The following COBL variants were observed in gnomAD, a reference collection of about 807,000 sequenced individuals.
The protein encoded by COBL is cordon-bleu WH2 repeat protein.
COBL carries 51 observed loss-of-function variants against 98.8 expected under a neutral mutation model. The observed-to-expected ratio is 0.52, with a 90% CI of 0.41 to 0.65. The LOEUF is 0.65. COBL is among the 30% of genes least tolerant of loss of function. The pLI, the probability that COBL is intolerant of heterozygous loss-of-function variation, is 0.00. For synonymous variants in COBL, 634 were observed against 651.7 expected (o/e 0.97, Z 0.41); for missense variants, 1,617 against 1,617.5 (o/e 1.00, Z 0.01).
chr7:51,117,480 G>A (rs1423505199), intron 6 of COBL, among the ~76,000 whole-genome samples: 4 of 151,360 alleles, frequency 2.6e-5, no homozygotes, highest in Non-Finnish European at 4.4e-5. Context: ...CCTTCATTCT[G>A]TTGTTGGGCC....
chr7:51,150,023 G>A (rs1246789853), intron 5 of COBL, among the ~76,000 whole-genome samples: 2 of 152,072 alleles, frequency 1.3e-5, no homozygotes, highest in Non-Finnish European at 2.9e-5. Context: ...CATTTTCCAG[G>A]GAGATACTTC....
intron 5 of COBL, among the ~76,000 whole-genome samples, chr7:51,157,787 G>A (rs28631539): frequency 0.12 from 18,389 of 152,018 alleles, 1,600 homozygotes; most frequent in African/African-American, 0.24. Flanking sequence ...TTACTAAAAC[G>A]GTAGACTTTA....
chr7:51,147,728 C>T (rs570910509), intron 5 of COBL, among the ~76,000 whole-genome samples: 5 of 151,718 alleles, frequency 3.3e-5, no homozygotes, highest in African/African-American at 1.2e-4. Context: ...GACCTAAGAA[C>T]ATAAAGTACG....
intron 6 of COBL, among the ~76,000 whole-genome samples, chr7:51,127,834 A>G (rs1034590996): frequency 1.3e-5 from 2 of 152,170 alleles, no homozygotes; most frequent in Non-Finnish European, 2.9e-5. Context: ...TGAGTTACCA[A>G]CCGCTGGCAA....
intron 1 of COBL, among the ~76,000 whole-genome samples, chr7:51,281,833 C>A (rs1799843830): frequency 6.6e-6 from 1 of 152,080 alleles, no homozygotes; most frequent in Non-Finnish European, 1.5e-5. Flanking sequence ...AAACTTGGAA[C>A]ATGAGGAGGA....
chr7:51,226,729 T>C lies in COBL; in HGVS notation c.42-6785A>G, dbSNP rs1794233405. Among the ~76,000 whole-genome samples the C allele has an allele frequency of 2.0e-5, 3 of 152,174 alleles. No homozygotes were observed. In the South Asian group the frequency reaches 6.2e-4, roughly 32 times the overall value. On this transcript the variant is annotated intron_variant, in intron 1 of 12. Coordinates refer to ENST00000265136, the MANE Select transcript of COBL (RefSeq NM_015198.5). The stretch of plus-strand genomic sequence containing the variant: ...CAGAACTGGTTACCAAAGAGGGGAA[T>C]GAGGAATCCTCGCATCCTGTACCAG...
In COBL at chr7:51,219,819, T is replaced by A; in HGVS notation, c.167A>T (p.Glu56Val). ...GTCCATGGTGCTGGCCCTCAGCGCC[T>A]CCTTCATGCGAACCAAGTTCTGCTG... ...GSQQNLVRMK[E>V]ALRASTMDVT... The change falls in exon 2 of 13, where the codon GAG (glutamate) becomes GTG (valine). Residue 56 changes from glutamate to valine, a missense_variant. Glu to Val is a moderately radical substitution (Grantham distance 121). Coordinates refer to ENST00000265136, the MANE Select transcript of COBL (RefSeq NM_015198.5). The A allele has an allele frequency of 1.2e-6, 2 of 1,614,048 alleles. No individual in the cohort carries two copies. Among genetic ancestry groups the A allele is most frequent in the Non-Finnish European group, 1.7e-6 (2 of 1,180,024 alleles).
chr7:51,120,788 G>A (rs1797673096), intron 6 of COBL, among the ~76,000 whole-genome samples: 1 of 152,094 alleles, frequency 6.6e-6, no homozygotes, highest in African/African-American at 2.4e-5. Flanking sequence ...ATGTCTTCAA[G>A]GTACATCCAT....
intron 6 of COBL, among the ~76,000 whole-genome samples, chr7:51,108,313 GC>G (rs1796497211): frequency 9.0e-6 from 1 of 111,194 alleles, no homozygotes; most frequent in Non-Finnish European, 2.0e-5. Flanking sequence ...CTCATCCGCT[GC>G]TGTGTGGCTC....
At chr7:51,196,962 C>CAA (rs796297914) in intron 2 of COBL, among the ~76,000 whole-genome samples, 2 of 144,850 alleles carry the variant, frequency 1.4e-5, no homozygotes, top group African/African-American at 5.0e-5. Flanking sequence ...TTAATTTTTT[C>CAA]AAAAAAAAAA....
chr7:51,089,228 C>T (rs1009915363), intron 6 of COBL, among the ~76,000 whole-genome samples: 3 of 152,018 alleles, frequency 2.0e-5, no homozygotes, highest in South Asian at 2.1e-4. Context: ...CTAAATACAC[C>T]GCAGGCTGGG....
chr7:51,276,610 G>A (rs1799334975), intron 1 of COBL, among the ~76,000 whole-genome samples: 1 of 152,252 alleles, frequency 6.6e-6, no homozygotes, highest in Admixed American at 6.5e-5. Context: ...CACAAGGTGT[G>A]GGGGATGAAA....
intron 5 of COBL, among the ~76,000 whole-genome samples, chr7:51,148,782 G>A (rs1357148395): frequency 1.3e-5 from 2 of 152,176 alleles, no homozygotes; most frequent in African/African-American, 4.8e-5. Flanking sequence ...GAGGTGGGGT[G>A]CTGGCAGCGG....
At chr7:51,027,674 A>C in intron 10 of COBL, 38 bp downstream of exon 10, 1 of 1,522,144 alleles carries the variant, frequency 6.6e-7, no homozygotes, top group Non-Finnish European at 9.0e-7. Context: ...TGAAGTGGGC[A>C]GGTGTGGAAG....
intron 6 of COBL, among the ~76,000 whole-genome samples, chr7:51,086,357 A>AG (rs1794240087): frequency 1.4e-5 from 1 of 71,370 alleles, no homozygotes; most frequent in Non-Finnish European, 2.6e-5. Flanking sequence ...ACTGTGTCTC[A>AG]GAAAAAAAAA....
At chr7:51,179,490 G>A (rs1193989289) in intron 5 of COBL, among the ~76,000 whole-genome samples, 1 of 152,088 alleles carries the variant, frequency 6.6e-6, no homozygotes, top group East Asian at 1.9e-4. Flanking sequence ...ACAGGTGTGA[G>A]CCACCGCGCC....
At chr7:51,195,801 T>G (rs1387646250) in intron 2 of COBL, among the ~76,000 whole-genome samples, 1 of 152,204 alleles carries the variant, frequency 6.6e-6, no homozygotes, top group Non-Finnish European at 1.5e-5. Flanking sequence ...TCAGTTTAAC[T>G]GTTATTGGTT....
chr7:51,242,882 G>A (rs1419085661), intron 1 of COBL, among the ~76,000 whole-genome samples: 1 of 152,104 alleles, frequency 6.6e-6, no homozygotes, highest in East Asian at 1.9e-4. Flanking sequence ...CATCCAACAA[G>A]GTACCTGACA....
rs1288933095 is a variant in COBL, at chr7:51,219,880, C to T, written c.106G>A (p.Asp36Asn). 1 of 1,613,288 alleles carries T rather than the reference C, an allele frequency of 6.2e-7. No homozygotes were observed. Among genetic ancestry groups the T allele is most frequent in the Non-Finnish European group, 8.5e-7 (1 of 1,180,026 alleles). Reference protein sequence around the residue: ...GKAATLHVHSDQKPPHDGALG... With the variant: ...GKAATLHVHSNQKPPHDGALG... ...GCCCCATCGTGGGGGGGCTTCTGGTCACTGTGCACATGCAGAGTGGCAGCC... is the reference window on the plus strand; with the variant it reads ...GCCCCATCGTGGGGGGGCTTCTGGTTACTGTGCACATGCAGAGTGGCAGCC... The change falls in exon 2 of 13, where the codon GAC (aspartate) becomes AAC (asparagine). Residue 36 changes from aspartate (D) to asparagine (N), a missense_variant. By Grantham distance (23) the Asp-to-Asn change is conservative (BLOSUM62 1). Coordinates refer to ENST00000265136, the MANE Select transcript of COBL (RefSeq NM_015198.5).
Sources: allele counts gnomAD v4.1 joint callset (sites outside exome capture counted in the v4.1 genomes callset), GRCh38; gene constraint gnomAD v4.1.1; transcripts MANE v1.5; gene names NCBI Gene and HGNC (gene_info 2026-07-23, HGNC 2026-07-21).